SND1: variants seen among roughly 807,000 people sequenced by gnomAD.
The protein encoded by SND1 is staphylococcal nuclease and tudor domain containing 1.
Under a neutral mutation model 121.7 loss-of-function variants are expected in SND1, and 38 were observed. The ratio of observed to expected loss-of-function variants is 0.31; its 90% CI spans 0.24 to 0.41. The LOEUF is 0.41. Among genes scored for constraint, SND1 ranks in the 10% least tolerant of loss-of-function variants. The pLI is 1.00. For missense variants in SND1, 868 were observed against 1,184.6 expected, an observed-to-expected ratio of 0.73 and a Z score of 3.92; for synonymous variants, 401 against 447.4, an observed-to-expected ratio of 0.90 and a Z score of 1.31.
chr7:127,760,268 TA>T lies in SND1; in HGVS notation c.1152+38871del, dbSNP rs527543714. 1.1e-4 allele frequency among the ~76,000 whole-genome samples: 17 copies of T among 152,338 alleles called. No individual in the cohort carries two copies. The South Asian group carries it at 3.5e-3, about 32-fold the overall frequency. On this transcript the variant is annotated intron_variant, in intron 10 of 23. Coordinates refer to ENST00000354725, the MANE Select transcript of SND1 (RefSeq NM_014390.4). ...TGAGGAATGGAAAAGGAATGGACTT[TA>T]AAGGGTGGGCTAATTGTGTCGGAAA...
At chr7:127,694,203 G>T (rs959435501) in intron 2 of SND1, among the ~76,000 whole-genome samples, 1 of 152,172 alleles carries the variant, frequency 6.6e-6, no homozygotes, top group Non-Finnish European at 1.5e-5. Flanking sequence ...CTTTAAAGAG[G>T]GGAGTGGAGA....
At chr7:127,710,745 C>G (rs926446433) in intron 9 of SND1, among the ~76,000 whole-genome samples, 3 of 152,118 alleles carry the variant, frequency 2.0e-5, no homozygotes, top group Non-Finnish European at 4.4e-5. Flanking sequence ...CTTAATTTTT[C>G]AGTTTAAGGG....
rs545812061 is a variant in SND1, at chr7:128,091,677, G to A, written c.2623-160G>A. ...TTAAGGGAAAAGCCAGGAGACTAAT[G>A]TGATTGTGTTTTCCGTTTTACTCTG... On this transcript the variant is annotated intron_variant, in intron 22 of 23. Coordinates refer to ENST00000354725, the MANE Select transcript of SND1 (RefSeq NM_014390.4). 2.2e-4 allele frequency among the ~76,000 whole-genome samples: 33 copies of A among 152,320 alleles called. No homozygotes were observed. The South Asian group carries it at 6.8e-3, about 32-fold the overall frequency.
intron 10 of SND1, among the ~76,000 whole-genome samples, chr7:127,752,304 T>G (rs1797110258): frequency 6.6e-6 from 1 of 152,192 alleles, no homozygotes; most frequent in Non-Finnish European, 1.5e-5. Flanking sequence ...GTAAACCCTG[T>G]GTGGTGAGTT....
intron 17 of SND1, among the ~76,000 whole-genome samples, chr7:128,077,015 A>G (rs1793517107): frequency 6.6e-6 from 1 of 152,176 alleles, no homozygotes; most frequent in African/African-American, 2.4e-5. Context: ...AGGACCAAGG[A>G]GGGAACCACA....
At chr7:128,037,946 G>A (rs929248050) in intron 16 of SND1, among the ~76,000 whole-genome samples, 3 of 152,176 alleles carry the variant, frequency 2.0e-5, no homozygotes, top group Admixed American at 6.5e-5. Context: ...AGTACCTCCT[G>A]GCATTGCCAC....
chr7:127,677,337 A>G (rs1031606618), intron 1 of SND1, among the ~76,000 whole-genome samples: 3 of 152,230 alleles, frequency 2.0e-5, no homozygotes, highest in Admixed American at 6.5e-5. Flanking sequence ...AATGGAGCCA[A>G]TTAAATAACT....
At chr7:127,889,969 C>A (rs114623844) in intron 13 of SND1, among the ~76,000 whole-genome samples, 5 of 152,048 alleles carry the variant, frequency 3.3e-5, no homozygotes. Flanking sequence ...CTGTTGTGAA[C>A]AGGACTGTAG....
intron 10 of SND1, among the ~76,000 whole-genome samples, chr7:127,794,273 G>A (rs1014259248): frequency 5.3e-5 from 8 of 152,174 alleles, no homozygotes; most frequent in Admixed American, 2.0e-4. Context: ...TTGGAGGGAC[G>A]CAGCAACTAA....
chr7:128,050,315 A>T (rs989444211), intron 16 of SND1, among the ~76,000 whole-genome samples: 1 of 152,220 alleles, frequency 6.6e-6, no homozygotes, highest in Non-Finnish European at 1.5e-5. Context: ...AGGCAGAAGG[A>T]TCCAGCAGGT....
chr7:127,770,383 A>G (rs1194317264), intron 10 of SND1, among the ~76,000 whole-genome samples: 1 of 152,230 alleles, frequency 6.6e-6, no homozygotes, highest in Non-Finnish European at 1.5e-5. Context: ...TGAGGCTTGG[A>G]ATTACATAGC....
intron 13 of SND1, among the ~76,000 whole-genome samples, chr7:127,893,495 G>A (rs1350338500): frequency 1.3e-5 from 2 of 151,986 alleles, no homozygotes; most frequent in African/African-American, 4.8e-5. Context: ...ATTCCTTTAA[G>A]GTATCTTTTA....
chr7:127,788,756 C>T (rs1323990360), intron 10 of SND1, among the ~76,000 whole-genome samples: 2 of 152,128 alleles, frequency 1.3e-5, no homozygotes, highest in East Asian at 3.8e-4. Flanking sequence ...ATTCTCCTGG[C>T]TCTTTTCCTT....
chr7:128,024,139 T>TTA (rs1803422328), intron 16 of SND1, among the ~76,000 whole-genome samples: 1 of 151,788 alleles, frequency 6.6e-6, no homozygotes, highest in African/African-American at 2.4e-5. Flanking sequence ...GTAATTTACT[T>TTA]CATTTTAATT....
intron 15 of SND1, among the ~76,000 whole-genome samples, chr7:127,931,890 G>T (rs556159616): frequency 6.6e-6 from 1 of 152,102 alleles, no homozygotes; most frequent in Admixed American, 6.5e-5. Flanking sequence ...GAGACCTACT[G>T]CTCAGAAAAA....
At chr7:128,067,822 T>A (rs1273986575) in intron 16 of SND1, among the ~76,000 whole-genome samples, 3 of 151,958 alleles carry the variant, frequency 2.0e-5, no homozygotes, top group African/African-American at 7.3e-5. Context: ...CTCCCTGTCC[T>A]CCCCCCATTG....
chr7:127,721,054 A>G lies in SND1; in HGVS notation c.1039-233A>G, dbSNP rs546884458. Among the ~76,000 whole-genome samples, 516 of 152,352 alleles carry G rather than the reference A, an allele frequency of 3.4e-3. 1 individual carries two copies. Among genetic ancestry groups the G allele is most frequent in the Non-Finnish European group, 5.4e-3 (366 of 68,038 alleles). On this transcript the variant is annotated intron_variant, in intron 9 of 23. Transcript: ENST00000354725. ...GGGCAAAAATAAAAAAAGATTGACCATCTTTATGAATGATACAGATTTTGT... is the reference window on the plus strand; with the variant it reads ...GGGCAAAAATAAAAAAAGATTGACCGTCTTTATGAATGATACAGATTTTGT...
intron 3 of SND1, among the ~76,000 whole-genome samples, chr7:127,696,420 T>C (rs1370449290): frequency 6.6e-6 from 1 of 152,224 alleles, no homozygotes; most frequent in Non-Finnish European, 1.5e-5. Flanking sequence ...AGTTTGCTTT[T>C]TACCCGTAAT....
chr7:127,908,188 C>T (rs1039451269), intron 14 of SND1, among the ~76,000 whole-genome samples: 2 of 151,978 alleles, frequency 1.3e-5, no homozygotes, highest in Non-Finnish European at 2.9e-5. Context: ...CGTGGTGGCT[C>T]ACACCTATAA....
Sources: gnomAD v4.1 joint callset for allele counts (sites outside exome capture counted in the v4.1 genomes callset) on GRCh38, gnomAD v4.1.1 for gene constraint, MANE v1.5 for transcripts, NCBI Gene and HGNC (gene_info 2026-07-23, HGNC 2026-07-21) for gene names.